LRFN5: variants seen among roughly 807,000 people sequenced by gnomAD.
LRFN5 encodes leucine rich repeat and fibronectin type III domain containing 5, also known as leucine-rich repeat and fibronectin type-III domain-containing protein 5.
In LRFN5, 24 loss-of-function variants were observed where a neutral mutation model predicts 45.6. The observed-to-expected ratio is 0.53, with a 90% CI of 0.38 to 0.74. The LOEUF (loss-of-function observed/expected upper bound fraction) is 0.74. Ranked by LOEUF, LRFN5 falls within the 30% of genes least tolerant of loss-of-function variation. The pLI is 0.00. For missense variants in LRFN5, 776 were observed against 861.5 expected, an observed-to-expected ratio of 0.90 and a Z score of 1.24; for synonymous variants, 340 against 313.8, an observed-to-expected ratio of 1.08 and a Z score of -0.88.
chr14:41,759,050 C>G lies in LRFN5; in HGVS notation c.-196-7804C>G, dbSNP rs113822653. On this transcript the variant is annotated intron_variant, in intron 1 of 5. Coordinates refer to ENST00000298119, the MANE Select transcript of LRFN5 (RefSeq NM_152447.5). ...CCTGGACCTCAAAGAGCTTACAGGC[C>G]AATAAGAGATCTAAGACACGTGGTA... 9.3e-3 allele frequency among the ~76,000 whole-genome samples: 1,411 copies of G among 152,094 alleles called. 23 individuals carry two copies. Among genetic ancestry groups the G allele is most frequent in the African/African-American group, 0.033 (1,352 of 41,488 alleles).
chr14:41,851,256 AAAC>A (rs1889255733), intron 2 of LRFN5, among the ~76,000 whole-genome samples: 1 of 147,974 alleles, frequency 6.8e-6, no homozygotes, highest in African/African-American at 2.5e-5. Context: ...TGAAACTAGA[AAAC>A]AATTCTTGGG....
intron 2 of LRFN5, among the ~76,000 whole-genome samples, chr14:41,794,503 A>G (rs1219303412): frequency 2.0e-5 from 3 of 151,974 alleles, no homozygotes; most frequent in Admixed American, 2.0e-4. Context: ...ACTAAACTTC[A>G]TTGTAAGAGT....
intron 2 of LRFN5, among the ~76,000 whole-genome samples, chr14:41,885,442 C>A (rs542171419): frequency 1.3e-5 from 2 of 151,640 alleles, no homozygotes; most frequent in Admixed American, 6.6e-5. Flanking sequence ...AGCATATACT[C>A]AAGATCAAAC....
chr14:41,719,230 C>T (rs1396593567), intron 1 of LRFN5, among the ~76,000 whole-genome samples: 1 of 151,930 alleles, frequency 6.6e-6, no homozygotes, highest in African/African-American at 2.4e-5. Context: ...TGAAAAGGGG[C>T]TTATATGTCT....
intron 1 of LRFN5, among the ~76,000 whole-genome samples, chr14:41,643,122 G>T (rs1879655169): frequency 6.6e-6 from 1 of 152,072 alleles, no homozygotes; most frequent in Non-Finnish European, 1.5e-5. Context: ...ATATATTTTT[G>T]ACTCCCTACA....
chr14:41,835,084 A>G (rs1888616582), intron 2 of LRFN5, among the ~76,000 whole-genome samples: 1 of 152,152 alleles, frequency 6.6e-6, no homozygotes, highest in Non-Finnish European at 1.5e-5. Context: ...TTTCATCATT[A>G]TATATTCTTA....
chr14:41,675,011 C>G (rs1000522470), intron 1 of LRFN5, among the ~76,000 whole-genome samples: 161 of 151,908 alleles, frequency 1.1e-3, no homozygotes, highest in Non-Finnish European at 1.5e-3. Flanking sequence ...GATGGGCGGC[C>G]GGGCAGAGAC....
chr14:41,627,028 C>G (rs1468169730), intron 1 of LRFN5, among the ~76,000 whole-genome samples: 1 of 152,198 alleles, frequency 6.6e-6, no homozygotes, highest in African/African-American at 2.4e-5. Flanking sequence ...TATCTTTGCT[C>G]TGTACATTTT....
chr14:41,642,813 G>A (rs1879641194), intron 1 of LRFN5, among the ~76,000 whole-genome samples: 1 of 151,968 alleles, frequency 6.6e-6, no homozygotes, highest in Admixed American at 6.6e-5. Flanking sequence ...AGCGTAAAAG[G>A]CTAAATAAGA....
chr14:41,704,397 T>C (rs1358291409), intron 1 of LRFN5, among the ~76,000 whole-genome samples: 1 of 151,064 alleles, frequency 6.6e-6, no homozygotes. Flanking sequence ...TCTAGACTTA[T>C]TGTTATACTT....
intron 1 of LRFN5, among the ~76,000 whole-genome samples, chr14:41,675,496 G>T (rs1023734674): frequency 1.3e-5 from 2 of 152,268 alleles, no homozygotes; most frequent in Admixed American, 1.3e-4. Context: ...GCAGGCACTC[G>T]GCAGGCTGAG....
chr14:41,721,818 C>T (rs1479376301), intron 1 of LRFN5, among the ~76,000 whole-genome samples: 1 of 151,962 alleles, frequency 6.6e-6, no homozygotes, highest in Non-Finnish European at 1.5e-5. Flanking sequence ...CAGGGTTAGC[C>T]ATGGACAGTC....
chr14:41,811,931 T>C (rs2021119), intron 2 of LRFN5, among the ~76,000 whole-genome samples: 53,489 of 151,824 alleles, frequency 0.35, 10,148 homozygotes, highest in East Asian at 0.69. Flanking sequence ...TGGTTATTGA[T>C]TTATATTTCA....
intron 1 of LRFN5, among the ~76,000 whole-genome samples, chr14:41,684,263 T>C (rs955583068): frequency 6.6e-6 from 1 of 152,148 alleles, no homozygotes; most frequent in African/African-American, 2.4e-5. Flanking sequence ...CCCCTATCTC[T>C]TGCTGTATTA....
At chr14:41,685,357 T>C (rs1036237809) in intron 1 of LRFN5, among the ~76,000 whole-genome samples, 2 of 152,182 alleles carry the variant, frequency 1.3e-5, no homozygotes, top group Non-Finnish European at 2.9e-5. Context: ...CCCATATTTA[T>C]TGAAGCGCTG....
intron 1 of LRFN5, chr14:41,700,155 A>T (rs1234668906): frequency 2.0e-5 from 3 of 152,114 alleles, no homozygotes; most frequent in Non-Finnish European, 2.9e-5. Flanking sequence ...GATTTTGTGT[A>T]GTGAGGGACT....
rs577377686 is a variant in LRFN5 at position 41,737,102 on chromosome 14, A to G, written c.-196-29752A>G. Among the ~76,000 whole-genome samples the G allele has an allele frequency of 9.8e-5, 15 of 152,346 alleles. No individual in the cohort carries two copies. In the East Asian group the frequency reaches 1.5e-3, roughly 16 times the overall value. ...ATGAATATTGATGCCAAAATCCTCA[A>G]TAAAATACTGGGAAACTGAATCCAG... On this transcript the variant is annotated intron_variant, in intron 1 of 5. Coordinates refer to ENST00000298119, the MANE Select transcript of LRFN5 (RefSeq NM_152447.5).
At chr14:41,719,909 T>C (rs57023349) in intron 1 of LRFN5, among the ~76,000 whole-genome samples, 3,614 of 152,142 alleles carry the variant, frequency 0.024, 132 homozygotes, top group African/African-American at 0.083. Flanking sequence ...TATATGTATA[T>C]CTGAACTATC....
intron 1 of LRFN5, among the ~76,000 whole-genome samples, chr14:41,682,986 C>T (rs915735678): frequency 6.6e-6 from 1 of 152,050 alleles, no homozygotes; most frequent in Non-Finnish European, 1.5e-5. Flanking sequence ...GATACCAAAA[C>T]CAGACAGACA....
Sources: allele counts gnomAD v4.1 joint callset (sites outside exome capture counted in the v4.1 genomes callset), GRCh38; gene constraint gnomAD v4.1.1; transcripts MANE v1.5; gene names NCBI Gene and HGNC (gene_info 2026-07-23, HGNC 2026-07-21).